The following TENM4 variants were observed in gnomAD, a reference collection of about 807,000 sequenced individuals.
TENM4 encodes teneurin-4.
A neutral mutation model predicts 243.3 loss-of-function variants in TENM4; 82 were observed. The observed-to-expected ratio is 0.34, with a 90% CI of 0.28 to 0.40. The LOEUF is 0.40. Ranked by LOEUF, TENM4 falls within the 10% of genes least tolerant of loss-of-function variation. The probability of loss-of-function intolerance (pLI) is 1.00; values close to 1 mark genes in which losing one functional copy is unlikely to be tolerated. For synonymous variants in TENM4, 1,412 were observed against 1,456.3 expected (o/e 0.97, Z 0.69); for missense variants, 3,138 against 3,673.3 (o/e 0.85, Z 3.77).
chr11:79,402,500 C>T (rs1785437638), intron 1 of TENM4, among the ~76,000 whole-genome samples: 1 of 152,148 alleles, frequency 6.6e-6, no homozygotes, highest in Non-Finnish European at 1.5e-5. Context: ...TGTGGTTTCC[C>T]ATCCAATTAT....
chr11:78,887,048 G>T (rs1489426651), intron 9 of TENM4, among the ~76,000 whole-genome samples: 1 of 152,108 alleles, frequency 6.6e-6, no homozygotes, highest in Non-Finnish European at 1.5e-5. Context: ...ATAAAAATCT[G>T]TGTCCTATCA....
intron 12 of TENM4, among the ~76,000 whole-genome samples, chr11:78,845,766 G>A (rs553272201): frequency 6.6e-6 from 1 of 151,658 alleles, no homozygotes; most frequent in East Asian, 1.9e-4. Flanking sequence ...TGCCTTTAGC[G>A]ACTGACAGAA....
At chr11:78,673,691 C>T (rs1858393116) in intron 30 of TENM4, among the ~76,000 whole-genome samples, 1 of 152,158 alleles carries the variant, frequency 6.6e-6, no homozygotes, top group African/African-American at 2.4e-5. Flanking sequence ...GTGCTAGGCA[C>T]ATAGAAGGTA....
At chr11:79,386,580 G>A (rs938314924) in intron 1 of TENM4, among the ~76,000 whole-genome samples, 4 of 151,892 alleles carry the variant, frequency 2.6e-5, no homozygotes, top group Non-Finnish European at 2.9e-5. Flanking sequence ...AACCTGATCT[G>A]GAAAAAAGAC....
intron 6 of TENM4, among the ~76,000 whole-genome samples, chr11:78,938,630 G>C (rs1856833020): frequency 6.6e-6 from 1 of 152,126 alleles, no homozygotes; most frequent in East Asian, 1.9e-4. Flanking sequence ...GGCAATGTTA[G>C]AGTAAGAAAC....
At chr11:78,898,705 A>G (rs1855850657) in intron 7 of TENM4, among the ~76,000 whole-genome samples, 1 of 152,212 alleles carries the variant, frequency 6.6e-6, no homozygotes, top group South Asian at 2.1e-4. Flanking sequence ...ACCTGTGTTA[A>G]TAATTATCAA....
chr11:79,401,332 G>A (rs1858457486), intron 1 of TENM4, among the ~76,000 whole-genome samples: 1 of 152,182 alleles, frequency 6.6e-6, no homozygotes, highest in African/African-American at 2.4e-5. Context: ...CCGATTTACA[G>A]AAAGAACACA....
intron 6 of TENM4, among the ~76,000 whole-genome samples, chr11:79,046,103 T>C (rs566459338): frequency 9.8e-5 from 15 of 152,332 alleles, no homozygotes; most frequent in Admixed American, 8.5e-4. Flanking sequence ...ACACACATGG[T>C]CTCAGGCAGG....
intron 6 of TENM4, among the ~76,000 whole-genome samples, chr11:79,053,323 T>C (rs927633118): frequency 4.6e-5 from 7 of 152,212 alleles, no homozygotes; most frequent in African/African-American, 1.4e-4. Context: ...AAGGCAATTG[T>C]AGTCTTCTCA....
intron 12 of TENM4, among the ~76,000 whole-genome samples, chr11:78,828,002 C>T (rs1198987632): frequency 6.6e-6 from 1 of 152,142 alleles, no homozygotes; most frequent in African/African-American, 2.4e-5. Flanking sequence ...TCCAATTCTC[C>T]CTCTTATCTG....
chr11:78,660,766 T>G (rs1188673485), intron 33 of TENM4, among the ~76,000 whole-genome samples: 1 of 152,114 alleles, frequency 6.6e-6, no homozygotes, highest in East Asian at 1.9e-4. Context: ...ATTGGGGTAG[T>G]AGGGAGGGGA....
rs1465464436 is a variant in TENM4, at chr11:79,440,104, CG to C, written c.-321+404del. On this transcript the variant is annotated intron_variant, in intron 1 of 33. Coordinates refer to ENST00000278550, the MANE Select transcript of TENM4 (RefSeq NM_001098816.3). The surrounding 1 kb of genome is among the most constrained non-coding windows in gnomAD (Gnocchi z 4.7). ...CCTCGCGGGCTCCTCCAGCGCCCGA[CG>C]GGGGCCTGGGGCGAGCTAGTCTGCA... is the stretch of plus-strand genomic sequence containing the variant. 6.6e-6 allele frequency among the ~76,000 whole-genome samples: 1 copy of C among 152,096 alleles called. No individual in the cohort carries two copies. The highest frequency in any genetic ancestry group is 2.4e-5 in the African/African-American group (1 of 41,440).
intron 1 of TENM4, among the ~76,000 whole-genome samples, chr11:79,413,559 A>T (rs1017044907): frequency 6.6e-6 from 1 of 152,210 alleles, no homozygotes; most frequent in African/African-American, 2.4e-5. Context: ...TCAGCTGGAG[A>T]GGGTTGTTTC....
chr11:79,363,395 G>GTAT (rs1286426782), intron 1 of TENM4, among the ~76,000 whole-genome samples: 1 of 152,212 alleles, frequency 6.6e-6, no homozygotes, highest in Non-Finnish European at 1.5e-5. Flanking sequence ...ACTGGGAAAG[G>GTAT]TATTACATTA....
In TENM4 at chr11:78,948,374, C is replaced by CTT. The variant is rs200520007; in HGVS notation, c.494-44853_494-44852dup. On this transcript the variant is annotated intron_variant, in intron 6 of 33. Coordinates refer to ENST00000278550, the MANE Select transcript of TENM4 (RefSeq NM_001098816.3). Reference sequence around the variant, plus strand: ...AATTTCTCCAATTCTTCCCAACTGTCTTTTTTTTTTTTTTTTTGAGACGGA... The same window carrying CTT: ...AATTTCTCCAATTCTTCCCAACTGTCTTTTTTTTTTTTTTTTTTTGAGACGGA... 1.9e-4 allele frequency among the ~76,000 whole-genome samples: 27 copies of CTT among 138,744 alleles called. 1 individual carries two copies. The highest frequency in any genetic ancestry group is 2.7e-4 in the Non-Finnish European group (17 of 64,054). The allele number at this position is 138,744 out of a possible 152,430, so 91.0% of individuals were successfully genotyped here.
chr11:78,658,059 C>T lies in TENM4; in HGVS notation c.8309G>A (p.Ter2770=). ...FMRQSEMGRR[*] is the part of the protein sequence containing the mutation. Reference sequence around the variant, plus strand: ...GCAAGAAGTCCTTGGTCCTCTCTGTCACCTCCGGCCCATCTCGCTCTGTCT... The same window carrying T: ...GCAAGAAGTCCTTGGTCCTCTCTGTTACCTCCGGCCCATCTCGCTCTGTCT... The change falls in exon 34 of 34, where the codon TGA becomes TAA. Residue 2770 remains the stop codon, a stop_retained_variant. Coordinates refer to ENST00000278550, the MANE Select transcript of TENM4 (RefSeq NM_001098816.3). 6.2e-7 allele frequency: 1 copy of T among 1,611,958 alleles called. No individual in the cohort carries two copies. Among genetic ancestry groups the T allele is most frequent in the South Asian group, 1.1e-5 (1 of 90,966 alleles).
chr11:78,724,673 T>C (rs534967943), intron 23 of TENM4, among the ~76,000 whole-genome samples: 54 of 152,340 alleles, frequency 3.5e-4, no homozygotes, highest in African/African-American at 9.6e-4. Context: ...ACAGAATCCC[T>C]GCTATTTAGC....
chr11:78,886,792 A>G (rs1308851382), intron 9 of TENM4, among the ~76,000 whole-genome samples: 1 of 152,226 alleles, frequency 6.6e-6, no homozygotes, highest in Non-Finnish European at 1.5e-5. Flanking sequence ...GTATTTCGAC[A>G]CAGACACAAT....
At chr11:79,117,314 G>A (rs1004323195) in intron 4 of TENM4, among the ~76,000 whole-genome samples, 1 of 152,132 alleles carries the variant, frequency 6.6e-6, no homozygotes, top group African/African-American at 2.4e-5. Flanking sequence ...TATTCAAGGG[G>A]CATGCATCTT....
Sources: gnomAD v4.1 joint callset for allele counts (sites outside exome capture counted in the v4.1 genomes callset) on GRCh38, gnomAD v4.1.1 for gene constraint, Gnocchi (gnomAD v3.1) non-coding constraint, MANE v1.5 for transcripts, NCBI Gene and HGNC (gene_info 2026-07-23, HGNC 2026-07-21) for gene names.